OR2L13: variants seen among roughly 807,000 people sequenced by gnomAD.
OR2L13 encodes olfactory receptor family 2 subfamily L member 13.
OR2L13 carries 14 observed loss-of-function variants against 15.3 expected under a neutral mutation model. That is an observed-to-expected ratio of 0.91 (90% CI 0.60 to 1.43). The LOEUF (loss-of-function observed/expected upper bound fraction) is 1.43, where lower values mean the gene tolerates loss of function less well. Among genes scored for constraint, OR2L13 ranks in the 40% most tolerant of loss-of-function variants. The pLI, the probability that OR2L13 is intolerant of heterozygous loss-of-function variation, is 0.00. For missense variants in OR2L13, 367 were observed against 387.9 expected, an observed-to-expected ratio of 0.95 and a Z score of 0.45; for synonymous variants, 152 against 142.9, an observed-to-expected ratio of 1.06 and a Z score of -0.45.
At chr1:247,949,545 G>A in the OR2L13 span, 4 of 1,614,052 alleles carry the variant, frequency 2.5e-6, no homozygotes, top group Non-Finnish European at 3.4e-6. Flanking sequence ...CATGAAATCT[G>A]CAGAAGGGAG....
At chr1:248,084,159 G>C in the OR2L13 span, 39,306 of 1,294,216 alleles carry the variant, frequency 0.03, 295 homozygotes, top group African/African-American at 0.097. Context: ...CAGGAGCCAG[G>C]ACGACATGGT....
At chr1:248,067,740 G>A in the OR2L13 span, among the ~76,000 whole-genome samples, 10 of 152,234 alleles carry the variant, frequency 6.6e-5, no homozygotes, top group Non-Finnish European at 1.2e-4. Context: ...CCCTTTCCTA[G>A]TCGAAGAAAG....
exon 3 of OR2L13, chr1:248,100,379 G>T (rs985872318): frequency 4.5e-6 from 4 of 879,462 alleles, no homozygotes; most frequent in South Asian, 3.8e-5. Context: ...GCTAGAGCAG[G>T]GTTGTCCAAT....
the OR2L13 span, among the ~76,000 whole-genome samples, chr1:248,066,901 T>C: frequency 6.6e-6 from 1 of 152,214 alleles, no homozygotes; most frequent in African/African-American, 2.4e-5. Flanking sequence ...CTAGTGAAGA[T>C]AGCTACCAGG....
the OR2L13 span, among the ~76,000 whole-genome samples, chr1:248,016,715 T>C: frequency 6.6e-6 from 1 of 151,918 alleles, no homozygotes; most frequent in Non-Finnish European, 1.5e-5. Flanking sequence ...TATAAATGTA[T>C]ATTTATATAT....
chr1:247,957,156 G>A, the OR2L13 span, among the ~76,000 whole-genome samples: 1,535 of 132,616 alleles, frequency 0.012, 32 homozygotes, highest in African/African-American at 0.037. Flanking sequence ...TAGCATGAAC[G>A]TTGTTGAATT....
chr1:248,037,859 C>T, the OR2L13 span, among the ~76,000 whole-genome samples: 1 of 152,192 alleles, frequency 6.6e-6, no homozygotes, highest in Non-Finnish European at 1.5e-5. Flanking sequence ...AGCCCAACGT[C>T]ACATCACAGT....
At chr1:247,957,887 A>T in the OR2L13 span, among the ~76,000 whole-genome samples, 5 of 152,110 alleles carry the variant, frequency 3.3e-5, no homozygotes, top group Non-Finnish European at 7.4e-5. Context: ...TCTTTTCAAA[A>T]AACCAGCTCC....
At chr1:248,012,384 C>A in the OR2L13 span, among the ~76,000 whole-genome samples, 5 of 152,266 alleles carry the variant, frequency 3.3e-5, no homozygotes, top group African/African-American at 1.2e-4. Context: ...TAGTTTCTGT[C>A]TCATATCCCC....
At chr1:248,068,761 A>G in the OR2L13 span, among the ~76,000 whole-genome samples, 1 of 152,206 alleles carries the variant, frequency 6.6e-6, no homozygotes, top group Non-Finnish European at 1.5e-5. Context: ...AGAATAACCA[A>G]TACAGAGTAG....
At chr1:248,033,013 T>G in the OR2L13 span, among the ~76,000 whole-genome samples, 2 of 152,222 alleles carry the variant, frequency 1.3e-5, no homozygotes, top group African/African-American at 2.4e-5. Flanking sequence ...AAGGAGCATC[T>G]GGAATTACAA....
the OR2L13 span, among the ~76,000 whole-genome samples, chr1:248,078,618 G>C: frequency 6.6e-6 from 1 of 152,044 alleles, no homozygotes; most frequent in Admixed American, 6.6e-5. Flanking sequence ...TTCCTGGATC[G>C]TTATCCTAGA....
chr1:247,976,469 A>G, the OR2L13 span, among the ~76,000 whole-genome samples: 1 of 152,224 alleles, frequency 6.6e-6, no homozygotes, highest in African/African-American at 2.4e-5. Context: ...TGTATTATAT[A>G]TTGAAAATTT....
chr1:248,021,887 G>T, the OR2L13 span: 5 of 1,352,702 alleles, frequency 3.7e-6, no homozygotes, highest in Non-Finnish European at 4.1e-6. Context: ...CAGATAATGG[G>T]GAACTACTGT....
chr1:247,959,020 G>A, the OR2L13 span, among the ~76,000 whole-genome samples: 1 of 152,186 alleles, frequency 6.6e-6, no homozygotes, highest in Non-Finnish European at 1.5e-5. Flanking sequence ...GTTAGTTGAT[G>A]TAGTTTCTTC....
At chr1:248,032,371 C>T in the OR2L13 span, among the ~76,000 whole-genome samples, 1 of 151,928 alleles carries the variant, frequency 6.6e-6, no homozygotes, top group African/African-American at 2.4e-5. Context: ...AGATAAACTG[C>T]ACCATTTAAA....
chr1:248,092,559 C>T (rs1214666293), upstream of OR2L13, among the ~76,000 whole-genome samples: 1 of 152,164 alleles, frequency 6.6e-6, no homozygotes, highest in Non-Finnish European at 1.5e-5. Flanking sequence ...TTAGAATACA[C>T]ACTCATCAAA....
upstream of OR2L13, among the ~76,000 whole-genome samples, chr1:248,090,591 T>C (rs535834186): frequency 2.0e-3 from 304 of 152,304 alleles, no homozygotes; most frequent in African/African-American, 7.1e-3. Context: ...CTCCACTTCA[T>C]CCATGTTGCT....
At chr1:247,994,124 C>T in the OR2L13 span, among the ~76,000 whole-genome samples, 852 of 152,256 alleles carry the variant, frequency 5.6e-3, 13 homozygotes, top group Middle Eastern at 0.024. Context: ...TGGCCGGGCA[C>T]GGTAGCTCAA....
Sources: gnomAD v4.1 joint callset for allele counts (sites outside exome capture counted in the v4.1 genomes callset) on GRCh38, gnomAD v4.1.1 for gene constraint, MANE v1.5 for transcripts, NCBI Gene and HGNC (gene_info 2026-07-23, HGNC 2026-07-21) for gene names.